TNRC6B: variants seen among roughly 807,000 people sequenced by gnomAD.
The protein encoded by TNRC6B is trinucleotide repeat-containing gene 6B protein.
A neutral mutation model predicts 203.6 loss-of-function variants in TNRC6B; 52 were observed. That is an observed-to-expected ratio of 0.26 (90% confidence interval 0.20 to 0.32). TNRC6B has a LOEUF of 0.32. TNRC6B is among the 10% of genes least tolerant of loss of function. The pLI is 1.00. For synonymous variants in TNRC6B, 838 were observed against 845.7 expected (o/e 0.99, Z 0.16); for missense variants, 1,923 against 2,286.2 (o/e 0.84, Z 3.24).
At chr22:40,295,553 A>G (rs2070928009) in intron 12 of TNRC6B, among the ~76,000 whole-genome samples, 2 of 152,088 alleles carry the variant, frequency 1.3e-5, no homozygotes, top group African/African-American at 2.4e-5. Context: ...GTTCAAAAGT[A>G]TTAGGAAACT....
intron 1 of TNRC6B, among the ~76,000 whole-genome samples, chr22:40,204,572 T>C (rs937961376): frequency 2.0e-5 from 3 of 152,226 alleles, no homozygotes; most frequent in African/African-American, 4.8e-5. Context: ...GCAAAAGCAG[T>C]TGTGGAACTT....
intron 12 of TNRC6B, among the ~76,000 whole-genome samples, chr22:40,294,702 T>C (rs1330172296): frequency 2.0e-5 from 3 of 152,242 alleles, no homozygotes; most frequent in Admixed American, 6.5e-5. Flanking sequence ...TAGCACAGAA[T>C]ATATCTATAC....
chr22:40,195,654 A>G (rs1459208147), intron 1 of TNRC6B, among the ~76,000 whole-genome samples: 3 of 152,104 alleles, frequency 2.0e-5, no homozygotes, highest in African/African-American at 7.2e-5. Context: ...GGGCCTTGAT[A>G]TGTTGCCCAG....
At chr22:40,225,529 G>A (rs1185005207) in intron 1 of TNRC6B, among the ~76,000 whole-genome samples, 1 of 152,140 alleles carries the variant, frequency 6.6e-6, no homozygotes, top group African/African-American at 2.4e-5. Flanking sequence ...AGGAGTTCAC[G>A]ACCAGGCTAG....
intron 1 of TNRC6B, among the ~76,000 whole-genome samples, chr22:40,110,516 G>T (rs1232688071): frequency 1.3e-5 from 2 of 152,170 alleles, no homozygotes; most frequent in Non-Finnish European, 2.9e-5. Context: ...CTTTTAGAAG[G>T]CAGTCTTACT....
intron 5 of TNRC6B, among the ~76,000 whole-genome samples, chr22:40,267,621 A>G (rs187289488): frequency 1.7e-4 from 26 of 152,230 alleles, no homozygotes; most frequent in African/African-American, 5.8e-4. Flanking sequence ...TCCCAGCACT[A>G]TGGGAGACTA....
intron 1 of TNRC6B, among the ~76,000 whole-genome samples, chr22:40,067,228 A>AT: frequency 6.6e-6 from 1 of 152,228 alleles, no homozygotes; most frequent in Admixed American, 6.5e-5. Context: ...TGTAAAATTG[A>AT]TTTTTGTTAC....
intron 21 of TNRC6B, 84 bp from the exon 22 acceptor site, chr22:40,321,006 C>G: frequency 1.3e-6 from 2 of 1,532,592 alleles, no homozygotes; most frequent in Non-Finnish European, 1.8e-6. Flanking sequence ...CACACTAGGT[C>G]TCAGCCAGTG....
chr22:40,172,247 T>C (rs1351415547), intron 4 of TNRC6B, among the ~76,000 whole-genome samples: 3 of 152,188 alleles, frequency 2.0e-5, no homozygotes, highest in Non-Finnish European at 4.4e-5. Context: ...GCACCTTATC[T>C]AAAGTGAGCC....
intron 21 of TNRC6B, among the ~76,000 whole-genome samples, chr22:40,317,016 A>G (rs1467726673): frequency 6.6e-6 from 1 of 152,144 alleles, no homozygotes. Flanking sequence ...TCTGGAACCT[A>G]GTGGAAAAGG....
At chr22:40,139,752 A>T (rs912789268) in intron 3 of TNRC6B, among the ~76,000 whole-genome samples, 1 of 152,232 alleles carries the variant, frequency 6.6e-6, no homozygotes, top group Non-Finnish European at 1.5e-5. Flanking sequence ...ACATTTGTGT[A>T]CAAGTTTTTG....
chr22:40,148,496 A>T (rs558888124), intron 3 of TNRC6B, among the ~76,000 whole-genome samples: 1 of 152,136 alleles, frequency 6.6e-6, no homozygotes, highest in African/African-American at 2.4e-5. Context: ...GTTGGCCAGG[A>T]TGATCTCAAT....
intron 1 of TNRC6B, among the ~76,000 whole-genome samples, chr22:40,196,584 C>A (rs2069339837): frequency 6.6e-6 from 1 of 151,114 alleles, no homozygotes; most frequent in African/African-American, 2.4e-5. Flanking sequence ...TATTTCTATT[C>A]TCCTGAGGCA....
At chr22:40,279,050 A>G (rs939782641) in intron 9 of TNRC6B, among the ~76,000 whole-genome samples, 2 of 152,128 alleles carry the variant, frequency 1.3e-5, no homozygotes, top group Non-Finnish European at 2.9e-5. Context: ...CCTGATTTTT[A>G]TATGTCAGAA....
intron 6 of TNRC6B, 117 bp from the exon 7 acceptor site, chr22:40,273,308 G>T: frequency 1.1e-6 from 1 of 930,882 alleles, no homozygotes; most frequent in Non-Finnish European, 1.5e-6. Context: ...GTCTTGCCAT[G>T]GAGATGGAGT....
At chr22:40,056,718 A>C (rs1380062674) in intron 1 of TNRC6B, among the ~76,000 whole-genome samples, 1 of 151,168 alleles carries the variant, frequency 6.6e-6, no homozygotes, top group East Asian at 1.9e-4. Context: ...GGATTGCATG[A>C]GCCCAGGAGT....
rs1031787989 is a variant in TNRC6B, at chr22:40,132,679, C to G, written c.45+6817C>G. On this transcript the variant is annotated intron_variant, in intron 3 of 23. Coordinates refer to the TNRC6B transcript ENST00000301923. ...AAAAAAAAGGCTGGGCGCAGTGGCTCAAGCTTGTAATCCCAGCACTTAGGG... is the reference window on the plus strand; with the variant it reads ...AAAAAAAAGGCTGGGCGCAGTGGCTGAAGCTTGTAATCCCAGCACTTAGGG... Among the ~76,000 whole-genome samples, 78 of 145,314 alleles carry G rather than the reference C, an allele frequency of 5.4e-4. 2 individuals are homozygous for G. The highest frequency in any genetic ancestry group is 4.9e-4 in the Non-Finnish European group (33 of 66,930).
rs574303341 is a variant in TNRC6B at position 40,319,271 on chromosome 22, T to TA, written c.4975-1807dup. Among the ~76,000 whole-genome samples, 1,341 of 142,400 alleles carry TA rather than the reference T, an allele frequency of 9.4e-3. 20 individuals carry two copies. The highest frequency in any genetic ancestry group is 0.054 in the South Asian group (245 of 4,506). The allele number at this position is 142,400 out of a possible 152,430, so 93.4% of individuals were successfully genotyped here. A position where few individuals can be genotyped will look rare whatever the true frequency, so the allele number is the denominator to read the frequency against. On this transcript the variant is annotated intron_variant, in intron 21 of 22. Transcript: ENST00000454349. ...GTGAGACCCCCCCCATCTCTGAATTTAAAAAAAAAAAAGCAAATCTTGATA... is the reference window on the plus strand; with the variant it reads ...GTGAGACCCCCCCCATCTCTGAATTTAAAAAAAAAAAAAGCAAATCTTGATA...
chr22:40,052,561 G>T (rs910913651), intron 1 of TNRC6B, among the ~76,000 whole-genome samples: 2 of 144,164 alleles, frequency 1.4e-5, no homozygotes, highest in Non-Finnish European at 3.0e-5. Flanking sequence ...GGCTCAAGCA[G>T]TCCTCCCACC....
Sources: gnomAD v4.1 joint callset for allele counts (sites outside exome capture counted in the v4.1 genomes callset) on GRCh38, gnomAD v4.1.1 for gene constraint, MANE v1.5 for transcripts, NCBI Gene and HGNC (gene_info 2026-07-23, HGNC 2026-07-21) for gene names.